CRTAC1: variants seen among roughly 807,000 people sequenced by gnomAD.
The protein encoded by CRTAC1 is cartilage acidic protein 1.
CRTAC1 carries 37 observed loss-of-function variants against 67.8 expected under a neutral mutation model. The ratio of observed to expected loss-of-function variants is 0.55; its 90% CI spans 0.42 to 0.72. CRTAC1 has a LOEUF of 0.72. Ranked by LOEUF, CRTAC1 falls within the 30% of genes least tolerant of loss-of-function variation. The probability of loss-of-function intolerance (pLI) is 0.00; values close to 1 mark genes in which losing one functional copy is unlikely to be tolerated. For missense variants in CRTAC1, 780 were observed against 931.6 expected (o/e 0.84, Z 2.12); for synonymous variants, 348 against 371.0 (o/e 0.94, Z 0.71).
rs1489778142 is a variant in CRTAC1, at chr10:97,987,611, C to A, written c.224+23527G>T. Among the ~76,000 whole-genome samples, 6 of 152,212 alleles carry A rather than the reference C, an allele frequency of 3.9e-5. No homozygotes were observed. The South Asian group carries it at 1.0e-3, about 26-fold the overall frequency. ...TCCCTGTGAGCGGCGTTTATGTGCA[C>A]GAGTGTGCATCATCTACATGCACCT... On this transcript the variant is annotated intron_variant, in intron 2 of 14. Transcript: ENST00000370597.
chr10:97,880,637 C>T (rs1015012611), intron 13 of CRTAC1, among the ~76,000 whole-genome samples: 10 of 152,170 alleles, frequency 6.6e-5, no homozygotes, highest in Non-Finnish European at 1.3e-4. Flanking sequence ...TCTAGGTGAT[C>T]TCTTCATGCA....
chr10:97,985,415 C>T (rs533001705), intron 2 of CRTAC1, among the ~76,000 whole-genome samples: 270 of 152,218 alleles, frequency 1.8e-3, no homozygotes, highest in Middle Eastern at 6.8e-3. Flanking sequence ...TGGGCTGCTC[C>T]ATCTTCTCCA....
At chr10:97,966,268 A>G (rs2051614677) in intron 2 of CRTAC1, among the ~76,000 whole-genome samples, 1 of 152,010 alleles carries the variant, frequency 6.6e-6, no homozygotes, top group Non-Finnish European at 1.5e-5. Context: ...ACTCCACTAC[A>G]CCAGCTAATT....
intron 2 of CRTAC1, among the ~76,000 whole-genome samples, chr10:97,940,697 C>T (rs1004444531): frequency 1.3e-5 from 2 of 152,306 alleles, no homozygotes; most frequent in Admixed American, 6.5e-5. Flanking sequence ...CTGGTCTGAC[C>T]CCAAGCTTGT....
intron 2 of CRTAC1, among the ~76,000 whole-genome samples, chr10:97,978,854 G>A (rs539869245): frequency 6.6e-6 from 1 of 152,184 alleles, no homozygotes; most frequent in Non-Finnish European, 1.5e-5. Context: ...CAAGATTTCT[G>A]TGGAGGCAAG....
At chr10:97,967,365 G>A (rs2136649035) in intron 2 of CRTAC1, among the ~76,000 whole-genome samples, 1 of 152,218 alleles carries the variant, frequency 6.6e-6, no homozygotes, top group African/African-American at 2.4e-5. Flanking sequence ...ACTACCAGAT[G>A]CTCCAGGCTC....
At chr10:97,964,603 C>T (rs545904275) in intron 2 of CRTAC1, among the ~76,000 whole-genome samples, 3 of 152,266 alleles carry the variant, frequency 2.0e-5, no homozygotes, top group Non-Finnish European at 2.9e-5. Context: ...TGTTCTGAGC[C>T]GCAAAAACTT....
chr10:97,946,863 T>C (rs1430629882), intron 2 of CRTAC1, among the ~76,000 whole-genome samples: 2 of 152,164 alleles, frequency 1.3e-5, no homozygotes, highest in African/African-American at 4.8e-5. Context: ...CACTAGGTTC[T>C]CGAAACGGTC....
At chr10:97,981,264 A>G (rs1471704261) in intron 2 of CRTAC1, among the ~76,000 whole-genome samples, 3 of 152,224 alleles carry the variant, frequency 2.0e-5, no homozygotes, top group Non-Finnish European at 1.5e-5. Context: ...AGAAAGACGT[A>G]AGGAAGAAAA....
intron 4 of CRTAC1, among the ~76,000 whole-genome samples, chr10:97,922,557 T>C (rs1258002371): frequency 6.6e-6 from 1 of 152,202 alleles, no homozygotes; most frequent in East Asian, 1.9e-4. Context: ...AAATCACCTT[T>C]GCAGCAAGCT....
chr10:97,867,518 C>G (rs374285117), intron 14 of CRTAC1: 1 of 152,374 alleles, frequency 6.6e-6, no homozygotes, highest in Non-Finnish European at 1.5e-5. Context: ...TCCTTGCAGC[C>G]TCAGGAAGTC....
At chr10:97,950,707 C>G (rs921529670) in intron 2 of CRTAC1, among the ~76,000 whole-genome samples, 1 of 152,176 alleles carries the variant, frequency 6.6e-6, no homozygotes, top group Non-Finnish European at 1.5e-5. Flanking sequence ...GATGGGAAAA[C>G]AGAAAGGCCA....
intron 2 of CRTAC1, among the ~76,000 whole-genome samples, chr10:97,981,342 C>T (rs1332198040): frequency 6.6e-6 from 1 of 152,206 alleles, no homozygotes; most frequent in Non-Finnish European, 1.5e-5. Flanking sequence ...CTTCTCATCC[C>T]TTTCCTGTGA....
chr10:98,018,199 C>CA (rs71007373), intron 1 of CRTAC1, among the ~76,000 whole-genome samples: 5,363 of 48,476 alleles, frequency 0.11, 1,236 homozygotes, highest in East Asian at 0.28. Context: ...AAGATGCCCG[C>CA]AAAAAAAAAA....
At chr10:97,983,019 T>C (rs1456415495) in intron 2 of CRTAC1, among the ~76,000 whole-genome samples, 1 of 152,248 alleles carries the variant, frequency 6.6e-6, no homozygotes, top group African/African-American at 2.4e-5. Flanking sequence ...AATTCTAGAC[T>C]CTCAAGATGA....
intron 2 of CRTAC1, among the ~76,000 whole-genome samples, chr10:97,983,912 T>G (rs1313116961): frequency 6.6e-6 from 1 of 152,266 alleles, no homozygotes; most frequent in Non-Finnish European, 1.5e-5. Flanking sequence ...GGAAACCTAA[T>G]GGCAAATATT....
chr10:97,898,568 C>T (rs746917949), intron 8 of CRTAC1, among the ~76,000 whole-genome samples: 24 of 152,284 alleles, frequency 1.6e-4, no homozygotes, highest in African/African-American at 4.6e-4. Flanking sequence ...AGGCTGGAGA[C>T]GCAGCCAAGC....
intron 4 of CRTAC1, among the ~76,000 whole-genome samples, chr10:97,917,948 T>C (rs998982207): frequency 6.6e-6 from 1 of 152,206 alleles, no homozygotes; most frequent in Non-Finnish European, 1.5e-5. Context: ...CACCTTTTTA[T>C]AGACAATTTT....
intron 7 of CRTAC1, 61 bp downstream of exon 7, chr10:97,904,608 A>T: frequency 6.9e-7 from 1 of 1,454,188 alleles, no homozygotes; most frequent in Non-Finnish European, 9.1e-7. Context: ...TTTAGTAGAG[A>T]CAGGGTTTTG....
Sources: allele counts gnomAD v4.1 joint callset (sites outside exome capture counted in the v4.1 genomes callset), GRCh38; gene constraint gnomAD v4.1.1; transcripts MANE v1.5; gene names NCBI Gene and HGNC (gene_info 2026-07-23, HGNC 2026-07-21).